Variants in LIPE observed in about 807,000 individuals in gnomAD.
LIPE encodes the protein hormone-sensitive lipase.
LIPE carries 66 observed loss-of-function variants against 88.5 expected under a neutral mutation model. The observed-to-expected ratio is 0.75, with a 90% confidence interval of 0.61 to 0.91. LIPE has a LOEUF of 0.91. LIPE is among the 40% of genes least tolerant of loss of function. LIPE has a pLI of 0.00. For missense variants in LIPE, 1,346 were observed against 1,434.7 expected, an observed-to-expected ratio of 0.94 and a Z score of 1.00; for synonymous variants, 570 against 617.5, an observed-to-expected ratio of 0.92 and a Z score of 1.14.
chr19:42,423,542 C>T (rs1283078884), intron 1 of LIPE: 44 of 1,247,620 alleles, frequency 3.5e-5, no homozygotes, highest in Non-Finnish European at 4.4e-5. Flanking sequence ...TCCATCAATT[C>T]CCCGCGGTCC....
rs1600148890 is a variant in LIPE at position 42,424,201 on chromosome 19, G to A, written c.883+2066C>T. 8.6e-6 allele frequency: 8 copies of A among 931,630 alleles called. No homozygotes were observed. In the East Asian group the frequency reaches 3.7e-4, roughly 43 times the overall value. 57.7% of individuals were successfully genotyped at this position (931,630 alleles called of 1,614,324 possible). On this transcript the variant is annotated intron_variant, in intron 1 of 9. Coordinates refer to ENST00000244289, the MANE Select transcript of LIPE (RefSeq NM_005357.4). ...CCCCCTAATCCATGCTCCCGATAAT[G>A]AGGGTGGGGGATGGTGGTAGGAGAA...
At position 42,422,315 on chromosome 19, in the gene LIPE, G is replaced by C. The variant is rs35684151; in HGVS notation, c.883+3952C>G. Among the ~76,000 whole-genome samples the C allele has an allele frequency of 3.7e-3, 556 of 152,272 alleles. 4 individuals carry two copies. The highest frequency in any genetic ancestry group is 0.013 in the African/African-American group (524 of 41,536). On this transcript the variant is annotated intron_variant, in intron 1 of 9. Transcript: ENST00000244289. ...AGGGAAAGAGGGAGTCTCCTGCCCAGAACATCACAGCTCCCAGCCTGAGGA... is the reference window on the plus strand; with the variant it reads ...AGGGAAAGAGGGAGTCTCCTGCCCACAACATCACAGCTCCCAGCCTGAGGA...
rs368566588 is a variant in LIPE, at chr19:42,406,403, G to A, written c.2138-15C>T. On this transcript the variant is annotated splice_polypyrimidine_tract_variant and intron_variant, in intron 6 of 9. Coordinates refer to ENST00000244289, the MANE Select transcript of LIPE (RefSeq NM_005357.4). This position sits in a 1 kb window ranked among gnomAD's most constrained non-coding sequence, Gnocchi z 5.7. Reference sequence around the variant, plus strand: ...CCCTGTTGAGCCTGGTTTGGGAGAGGGGTGGTTGGTGACAACCTGGCAGGG... The same window carrying A: ...CCCTGTTGAGCCTGGTTTGGGAGAGAGGTGGTTGGTGACAACCTGGCAGGG... 88 of 1,605,202 alleles carry A rather than the reference G, an allele frequency of 5.5e-5. No homozygotes were observed. The highest frequency in any genetic ancestry group is 7.0e-5 in the Non-Finnish European group (82 of 1,172,558).
chr19:42,423,342 C>G, intron 1 of LIPE: 1 of 1,111,952 alleles, frequency 9.0e-7, no homozygotes, highest in Non-Finnish European at 1.2e-6. Flanking sequence ...TGGCAGTGGG[C>G]CAGTCCACGC....
chr19:42,412,647 C>T, intron 1 of LIPE: 1 of 837,434 alleles, frequency 1.2e-6, no homozygotes, highest in East Asian at 1.2e-4. Flanking sequence ...CACCCACAGC[C>T]CCTCCTCCCT....
chr19:42,426,167 A>G (rs1377288275), intron 1 of LIPE, 100 bp downstream of exon 1: 1 of 845,944 alleles, frequency 1.2e-6, no homozygotes, highest in Non-Finnish European at 1.7e-6. Flanking sequence ...TTGTTGAAGG[A>G]TGACCAGAGC....
chr19:42,402,261 G>A (rs908692476), intron 9 of LIPE, among the ~76,000 whole-genome samples, 186 bp from the exon 10 acceptor site: 5 of 152,032 alleles, frequency 3.3e-5, no homozygotes, highest in Non-Finnish European at 7.4e-5. Flanking sequence ...GGGAGTTGTG[G>A]GAAGGATGGG....
Position 42,410,300 on chromosome 19 carries a change from G to A in LIPE, c.1419+7C>T. On this transcript the variant is annotated splice_region_variant and intron_variant, in intron 2 of 9. Transcript: ENST00000244289. The surrounding 1 kb of genome is among the most constrained non-coding windows in gnomAD (Gnocchi z 6.1). ...GGGCCCAGAGGGGCACGGGGCAGGG[G>A]GCTCACCTGGAAGCCCAGGCAGCGG... 2 of 1,560,272 alleles carry A rather than the reference G, an allele frequency of 1.3e-6. No individual in the cohort carries two copies. Among genetic ancestry groups the A allele is most frequent in the South Asian group, 2.3e-5 (2 of 85,152 alleles).
Position 42,407,685 on chromosome 19 carries a change from G to A in LIPE, c.1763C>T (p.Thr588Ile), listed in dbSNP as rs2040232517. ...TGTGTGGGCCAGTGGGGGTGAGATG[G>A]TGACCGTGAGCGTGGGGTCGGCAGT... ...PLTADPTLTV[T>I]ISPPLAHTGP... The change falls in exon 5 of 10, where the codon ACC (threonine) becomes ATC (isoleucine). Residue 588 changes from threonine to isoleucine, a missense_variant. Thr to Ile is a moderately conservative substitution (Grantham distance 89). Coordinates refer to ENST00000244289, the MANE Select transcript of LIPE (RefSeq NM_005357.4). The surrounding 1 kb of genome is among the most constrained non-coding windows in gnomAD (Gnocchi z 5.8). The A allele has an allele frequency of 6.2e-7, 1 of 1,602,632 alleles. No individual in the cohort carries two copies. Among genetic ancestry groups the A allele is most frequent in the Non-Finnish European group, 8.5e-7 (1 of 1,174,922 alleles).
At chr19:42,420,482 A>G (rs1158988749) in intron 1 of LIPE, among the ~76,000 whole-genome samples, 6 of 151,896 alleles carry the variant, frequency 4.0e-5, no homozygotes, top group Non-Finnish European at 8.8e-5. Flanking sequence ...ATGAATGGAT[A>G]TACATGCTTG....
Position 42,407,479 on chromosome 19 carries a change from G to A in LIPE, c.1843-11C>T. The A allele has an allele frequency of 6.2e-7, 1 of 1,604,052 alleles. No homozygotes were observed. Among genetic ancestry groups the A allele is most frequent in the South Asian group, 1.1e-5 (1 of 90,266 alleles). ...GAGCTCCTCACTGTCCTGGGGGTGAGGAGGGAGACGGTGTGTGAGGTTGGG... is the reference window on the plus strand; with the variant it reads ...GAGCTCCTCACTGTCCTGGGGGTGAAGAGGGAGACGGTGTGTGAGGTTGGG... On this transcript the variant is annotated splice_polypyrimidine_tract_variant and intron_variant, in intron 5 of 9. Transcript: ENST00000244289. This position sits in a 1 kb window ranked among gnomAD's most constrained non-coding sequence, Gnocchi z 5.8.
Position 42,426,333 on chromosome 19 carries a change from C to G in LIPE, c.817G>C (p.Gly273Arg), listed in dbSNP as rs1345094983. Residue 273 changes from glycine (G) to arginine (R), a missense_variant, in exon 1 of 10, where the codon GGA (glycine) becomes CGA (arginine). Gly to Arg is a moderately radical substitution (Grantham distance 125). Transcript: ENST00000244289. Reference sequence around the variant, plus strand: ...TCATGTGGCGACGTCCCACTGTATCCTGACATCACTTTATAACCAGATTTT... The same window carrying G: ...TCATGTGGCGACGTCCCACTGTATCGTGACATCACTTTATAACCAGATTTT... ...KGKSGYKVMSGYSGTSPHEKT... is the reference protein window; with the variant it reads ...KGKSGYKVMSRYSGTSPHEKT... 1 of 1,613,082 alleles carries G rather than the reference C, an allele frequency of 6.2e-7. No homozygotes were observed. Among genetic ancestry groups the G allele is most frequent in the Non-Finnish European group, 8.5e-7 (1 of 1,179,182 alleles).
chr19:42,427,291 G>A lies in LIPE; in HGVS notation c.-142C>T. 7.1e-7 allele frequency: 1 copy of A among 1,406,472 alleles called. No individual in the cohort carries two copies. Among genetic ancestry groups the A allele is most frequent in the Non-Finnish European group, 9.2e-7 (1 of 1,083,472 alleles). The allele number at this position is 1,406,472 out of a possible 1,614,324, so 87.1% of individuals were successfully genotyped here. A position where few individuals can be genotyped will look rare whatever the true frequency, so the allele number is the denominator to read the frequency against. ...GTTTCACTCCATCCTAGCATCACTG[G>A]TCTTCCTTTTTAAGGCAGCTGGCAG... On this transcript the variant is annotated 5_prime_UTR_variant, in exon 1 of 10. Coordinates refer to ENST00000244289, the MANE Select transcript of LIPE (RefSeq NM_005357.4).
chr19:42,405,666 A>G (rs889101136), intron 7 of LIPE, 105 bp from the exon 8 acceptor site: 21 of 1,153,390 alleles, frequency 1.8e-5, no homozygotes, highest in East Asian at 9.5e-5. Context: ...AGAATATCCA[A>G]TCGCTTCAAA....
intron 2 of LIPE, among the ~76,000 whole-genome samples, chr19:42,409,039 A>G (rs2040286167): frequency 6.6e-6 from 1 of 151,950 alleles, no homozygotes; most frequent in Non-Finnish European, 1.5e-5. Flanking sequence ...GGGGAGTAGG[A>G]TGGTGCAGGG....
At chr19:42,423,554 C>CCCGCGGGGGCCAATTCCAG (rs1195919356) in intron 1 of LIPE, 1 of 1,236,962 alleles carries the variant, frequency 8.1e-7, no homozygotes, top group Admixed American at 2.9e-5. Context: ...CCGCGGTCCT[C>CCCGCGGGGGCCAATTCCAG]CCGCGGGGGC....
intron 1 of LIPE, among the ~76,000 whole-genome samples, chr19:42,416,691 G>A (rs1366565480): frequency 6.6e-6 from 1 of 152,196 alleles, no homozygotes; most frequent in Non-Finnish European, 1.5e-5. Flanking sequence ...ATGGAACAAA[G>A]CCTGGATGAC....
At chr19:42,424,647 G>A (rs927969066) in intron 1 of LIPE, 1 of 456,312 alleles carries the variant, frequency 2.2e-6, no homozygotes, top group Non-Finnish European at 4.4e-6. Flanking sequence ...GCCTCTGGGC[G>A]GAGGGGCCGC....
chr19:42,426,661 A>T lies in LIPE; in HGVS notation c.489T>A (p.Pro163=), dbSNP rs777454269. ...GGGCAGATGGCTCCCTTTTGGCTCC[A>T]GGTTTAGCCTGGGCCGCAGGTGTTG... The part of the protein sequence containing the change: ...AESTPAAQAK[P]GAKREPSAPT... Residue 163 remains proline (P), a synonymous_variant, in exon 1 of 10, where the codon CCT becomes CCA. Transcript: ENST00000244289. The T allele has an allele frequency of 1.2e-6, 2 of 1,614,150 alleles. No individual in the cohort carries two copies. Among genetic ancestry groups the T allele is most frequent in the South Asian group, 1.1e-5 (1 of 91,086 alleles).
Sources: allele counts gnomAD v4.1 joint callset (sites outside exome capture counted in the v4.1 genomes callset), GRCh38; gene constraint gnomAD v4.1.1; non-coding constraint Gnocchi (gnomAD v3.1); transcripts MANE v1.5; gene names NCBI Gene and HGNC (gene_info 2026-07-23, HGNC 2026-07-21).